The following SMARCAD1 variants were observed in gnomAD, a reference collection of about 807,000 sequenced individuals.
SMARCAD1 encodes the protein SWI/SNF-related matrix-associated actin-dependent regulator of chromatin subfamily A containing DEAD/H box 1.
In SMARCAD1, 25 loss-of-function variants were observed where a neutral mutation model predicts 127.1. The ratio of observed to expected loss-of-function variants is 0.20; its 90% CI spans 0.14 to 0.27. The LOEUF (loss-of-function observed/expected upper bound fraction) is 0.27. Ranked by LOEUF, SMARCAD1 falls within the 10% of genes least tolerant of loss-of-function variation. The pLI is 1.00. For synonymous variants in SMARCAD1, 400 were observed against 396.9 expected (o/e 1.01, Z -0.09); for missense variants, 807 against 1,206.0 (o/e 0.67, Z 4.90).
intron 23 of SMARCAD1, among the ~76,000 whole-genome samples, chr4:94,285,949 T>C (rs1237407213): frequency 1.3e-5 from 2 of 152,008 alleles, no homozygotes; most frequent in Non-Finnish European, 2.9e-5. Context: ...ATGTTTTCCT[T>C]ATTATTTTGG....
intron 22 of SMARCAD1, among the ~76,000 whole-genome samples, chr4:94,284,354 GAA>G (rs34876183): frequency 9.7e-6 from 1 of 102,836 alleles, no homozygotes; most frequent in Non-Finnish European, 1.9e-5. Context: ...AAAAAAAAAA[GAA>G]AAAAGTAATT....
chr4:94,264,017 T>C (rs1751385217), intron 9 of SMARCAD1, among the ~76,000 whole-genome samples: 1 of 151,978 alleles, frequency 6.6e-6, no homozygotes, highest in Non-Finnish European at 1.5e-5. Context: ...TGAAAGAAAT[T>C]CTGTGAGTTT....
At chr4:94,275,796 C>CTTTTATTTTATTTTATTTTATTT (rs1553920714) in intron 14 of SMARCAD1, among the ~76,000 whole-genome samples, 1 of 85,402 alleles carries the variant, frequency 1.2e-5, no homozygotes, top group Non-Finnish European at 2.6e-5. Flanking sequence ...TTAACATTTT[C>CTTTTATTTTATTTTATTTTATTT]TTTTTTTTTT....
chr4:94,223,756 TTTTTA>T (rs1560516800), intron 2 of SMARCAD1, among the ~76,000 whole-genome samples: 3 of 54,158 alleles, frequency 5.5e-5, no homozygotes, highest in African/African-American at 9.6e-5. Context: ...TTTTTTTTTT[TTTTTA>T]AAGTAGAGAC....
Position 94,232,115 on chromosome 4 carries a change from G to A in SMARCAD1, c.369-1839G>A, listed in dbSNP as rs574733446. On this transcript the variant is annotated intron_variant, in intron 3 of 23. Transcript: ENST00000354268. ...TGACTTCAGGTAATCCACCCACGTC[G>A]GCCTCCCAGAGTGCTGGGATTACAG... 7.2e-5 allele frequency among the ~76,000 whole-genome samples: 11 copies of A among 152,200 alleles called. 1 individual carries two copies. In the South Asian group the frequency reaches 1.9e-3, roughly 26 times the overall value.
chr4:94,285,167 G>C, intron 23 of SMARCAD1, 98 bp downstream of exon 23: 1 of 802,980 alleles, frequency 1.2e-6, no homozygotes, highest in Non-Finnish European at 2.2e-6. Flanking sequence ...ACCTTAACTA[G>C]CTTACAGTTT....
At chr4:94,249,570 A>G (rs1278360809) in intron 6 of SMARCAD1, 84 bp from the exon 7 acceptor site, 14 of 775,442 alleles carry the variant, frequency 1.8e-5, no homozygotes, top group South Asian at 1.5e-4. Flanking sequence ...TTTTCAGATC[A>G]AGTCAAAATA....
intron 4 of SMARCAD1, among the ~76,000 whole-genome samples, chr4:94,235,640 A>ATTT (rs761940704): frequency 3.3e-4 from 44 of 134,232 alleles, no homozygotes; most frequent in African/African-American, 1.1e-3. Flanking sequence ...GCTAATGTGA[A>ATTT]TTTTTTTTTT....
intron 2 of SMARCAD1, among the ~76,000 whole-genome samples, chr4:94,209,925 G>A (rs1377319481): frequency 2.0e-5 from 3 of 152,172 alleles, no homozygotes; most frequent in Admixed American, 6.5e-5. Flanking sequence ...ATGGGATTTC[G>A]AGTCCATAGA....
Position 94,252,634 on chromosome 4 carries a change from A to C in SMARCAD1, c.908A>C (p.Gln303Pro), listed in dbSNP as rs769704087. The C allele has an allele frequency of 1.7e-5, 27 of 1,568,728 alleles. No homozygotes were observed. The highest frequency in any genetic ancestry group is 6.0e-5 in the Admixed American group (3 of 50,376). The change falls in exon 9 of 24, where the codon CAA (glutamine) becomes CCA (proline). Residue 303 changes from glutamine to proline, a missense_variant. Gln to Pro is a moderately conservative substitution (Grantham distance 76). Transcript: ENST00000354268. ...TATACAGATATGCAATATGTATCAC[A>C]AAGTGAGGTTCCAAATGGAAAAGAA... ...AEDQDMQYVSQSEVPNGKEVS... is the reference protein window; with the variant it reads ...AEDQDMQYVSPSEVPNGKEVS...
chr4:94,235,838 A>G (rs900751004), intron 4 of SMARCAD1, among the ~76,000 whole-genome samples: 2 of 152,016 alleles, frequency 1.3e-5, no homozygotes, highest in Admixed American at 1.3e-4. Flanking sequence ...TTTCTTGTAA[A>G]AATCTTTCTA....
At chr4:94,251,625 T>C (rs1447220143) in intron 8 of SMARCAD1, among the ~76,000 whole-genome samples, 1 of 152,194 alleles carries the variant, frequency 6.6e-6, no homozygotes, top group Non-Finnish European at 1.5e-5. Context: ...TTATTTTTTA[T>C]AAATGCACAA....
chr4:94,257,288 A>G (rs1042509018), intron 9 of SMARCAD1, among the ~76,000 whole-genome samples: 2 of 152,174 alleles, frequency 1.3e-5, no homozygotes, highest in African/African-American at 4.8e-5. Context: ...AGTAAAGTTT[A>G]CCCCAAATTC....
chr4:94,274,451 G>A (rs922227494), intron 12 of SMARCAD1, among the ~76,000 whole-genome samples: 3 of 152,008 alleles, frequency 2.0e-5, no homozygotes, highest in African/African-American at 7.2e-5. Flanking sequence ...CGAGTAGCTG[G>A]GACTACAGGC....
chr4:94,233,514 CA>C (rs1158127774), intron 3 of SMARCAD1, among the ~76,000 whole-genome samples: 2 of 152,174 alleles, frequency 1.3e-5, no homozygotes, highest in Admixed American at 1.3e-4. Context: ...CTGATTTTAG[CA>C]GTTAGATCCT....
chr4:94,213,227 A>C (rs1742569751), intron 2 of SMARCAD1: 1 of 543,018 alleles, frequency 1.8e-6, no homozygotes, highest in African/African-American at 2.0e-5. Flanking sequence ...GCAAAGTAGA[A>C]TCACTATCTG....
chr4:94,248,300 T>C (rs369902455), intron 6 of SMARCAD1, among the ~76,000 whole-genome samples: 296 of 152,374 alleles, frequency 1.9e-3, no homozygotes, highest in African/African-American at 6.7e-3. Context: ...TTCCATTTTA[T>C]GTGTTTACCA....
Position 94,237,043 on chromosome 4 carries a change from A to G in SMARCAD1, c.604+25A>G, listed in dbSNP as rs372703050. 7 of 1,592,586 alleles carry G rather than the reference A, an allele frequency of 4.4e-6. No homozygotes were observed. The Admixed American group carries it at 5.0e-5, about 11-fold the overall frequency. On this transcript the variant is annotated intron_variant, in intron 5 of 23. Transcript: ENST00000354268. Reference sequence around the variant, plus strand: ...GGTATGCTTGACTTAATTTTAAGCCATGTCGATTTATTGTTACGTCATAAT... The same window carrying G: ...GGTATGCTTGACTTAATTTTAAGCCGTGTCGATTTATTGTTACGTCATAAT...
intron 3 of SMARCAD1, among the ~76,000 whole-genome samples, chr4:94,227,004 C>T (rs1465413829): frequency 5.9e-5 from 9 of 151,678 alleles, no homozygotes; most frequent in Admixed American, 3.9e-4. Context: ...ACACCTGGCT[C>T]GAGGGTCAGG....
Sources: allele counts gnomAD v4.1 joint callset (sites outside exome capture counted in the v4.1 genomes callset), GRCh38; gene constraint gnomAD v4.1.1; transcripts MANE v1.5; gene names NCBI Gene and HGNC (gene_info 2026-07-23, HGNC 2026-07-21).